RHOQ: variants seen among roughly 807,000 people sequenced by gnomAD.
RHOQ encodes the protein rho-related GTP-binding protein RhoQ.
A neutral mutation model predicts 25.8 loss-of-function variants in RHOQ; 7 were observed. The ratio of observed to expected loss-of-function variants is 0.27; its 90% CI spans 0.15 to 0.51. The LOEUF (loss-of-function observed/expected upper bound fraction) is 0.51, where lower values mean the gene tolerates loss of function less well. Among genes scored for constraint, RHOQ ranks in the 20% least tolerant of loss-of-function variants. The probability of loss-of-function intolerance (pLI) is 0.97; values close to 1 mark genes in which losing one functional copy is unlikely to be tolerated. For synonymous variants in RHOQ, 97 were observed against 98.6 expected (o/e 0.98, Z 0.10); for missense variants, 165 against 260.6 (o/e 0.63, Z 2.53).
At chr2:46,575,945 T>A (rs1312773228) in intron 2 of RHOQ, 142 bp from the exon 3 acceptor site, 3 of 534,792 alleles carry the variant, frequency 5.6e-6, no homozygotes, top group Non-Finnish European at 9.2e-6. Flanking sequence ...AAAACAGAGT[T>A]ATCTGATTTT....
Position 46,581,567 on chromosome 2 carries a change from C to T in RHOQ, c.*484C>T. On this transcript the variant is annotated 3_prime_UTR_variant, in exon 5 of 5. Transcript: ENST00000238738. ...CCAGCCACGTAGCCAAAGGTCGCTC[C>T]AAGCGTACAGGAGATGGGCCATACC... 6.2e-7 allele frequency: 1 copy of T among 1,611,394 alleles called. No homozygotes were observed. The highest frequency in any genetic ancestry group is 8.5e-7 in the Non-Finnish European group (1 of 1,179,480).
At chr2:46,571,604 C>A (rs1668917391) in intron 2 of RHOQ, among the ~76,000 whole-genome samples, 1 of 152,176 alleles carries the variant, frequency 6.6e-6, no homozygotes, top group South Asian at 2.1e-4. Context: ...TTTCTATATT[C>A]ACTTGCTCCA....
rs529059735 is a variant in RHOQ at position 46,555,329 on chromosome 2, C to G, written c.201+11517C>G. Among the ~76,000 whole-genome samples, 1 of 152,334 alleles carries G rather than the reference C, an allele frequency of 6.6e-6. No individual in the cohort carries two copies. The highest frequency in any genetic ancestry group is 2.1e-4 in the South Asian group (1 of 4,822). Reference sequence around the variant, plus strand: ...CTTTGCTCCCCATGCAGATTGTAAACTCTTCCCCTTGCCGTCCCTGCAGGA... The same window carrying G: ...CTTTGCTCCCCATGCAGATTGTAAAGTCTTCCCCTTGCCGTCCCTGCAGGA... On this transcript the variant is annotated intron_variant, in intron 2 of 4. Transcript: ENST00000238738. This position sits in a 1 kb window ranked among gnomAD's most constrained non-coding sequence, Gnocchi z 4.3.
intron 4 of RHOQ, among the ~76,000 whole-genome samples, chr2:46,579,781 G>T (rs948126665): frequency 6.6e-6 from 1 of 151,250 alleles, no homozygotes; most frequent in Non-Finnish European, 1.5e-5. Context: ...GAAGGCAGAG[G>T]TTGTGATGAG....
intron 2 of RHOQ, among the ~76,000 whole-genome samples, chr2:46,560,014 G>A (rs560195657): frequency 8.7e-4 from 133 of 152,280 alleles, no homozygotes; most frequent in African/African-American, 3.2e-3. Context: ...CTTTCACCAG[G>A]ATTGGGGAGC....
At position 46,573,419 on chromosome 2, in the gene RHOQ, C is replaced by G. The variant is rs750640043; in HGVS notation, c.202-2668C>G. Among the ~76,000 whole-genome samples, 139 of 152,310 alleles carry G rather than the reference C, an allele frequency of 9.1e-4. 2 individuals are homozygous for G. Among genetic ancestry groups the G allele is most frequent in the Middle Eastern group, 3.4e-3 (1 of 294 alleles). Reference sequence around the variant, plus strand: ...CAGAAGGAATTCATTTTAGATTGTTCAGACTTAAGAAGTAACATTTCTTTC... The same window carrying G: ...CAGAAGGAATTCATTTTAGATTGTTGAGACTTAAGAAGTAACATTTCTTTC... On this transcript the variant is annotated intron_variant, in intron 2 of 4. Coordinates refer to ENST00000238738, the MANE Select transcript of RHOQ (RefSeq NM_012249.4).
chr2:46,574,827 G>A (rs1277357632), intron 2 of RHOQ, among the ~76,000 whole-genome samples: 2 of 152,156 alleles, frequency 1.3e-5, no homozygotes, highest in African/African-American at 2.4e-5. Flanking sequence ...TGTTCCATGA[G>A]GGAAATACTA....
At chr2:46,565,254 CCAGGGTCCCCAGGGG>C in intron 2 of RHOQ, among the ~76,000 whole-genome samples, 1 of 152,256 alleles carries the variant, frequency 6.6e-6, no homozygotes, top group Non-Finnish European at 1.5e-5. Context: ...AAGTATGGGG[CCAGGGTCCCCAGGGG>C]CATGTGTCTG....
At chr2:46,553,147 A>T (rs1409983486) in intron 2 of RHOQ, among the ~76,000 whole-genome samples, 3 of 152,070 alleles carry the variant, frequency 2.0e-5, no homozygotes, top group Non-Finnish European at 4.4e-5. Context: ...CCTTCAGGTG[A>T]TTGTGACGCA....
At chr2:46,571,335 C>T (rs545050632) in intron 2 of RHOQ, among the ~76,000 whole-genome samples, 23 of 152,360 alleles carry the variant, frequency 1.5e-4, no homozygotes, top group African/African-American at 5.5e-4. Flanking sequence ...CCACACCAGC[C>T]TGCAGTTTCC....
Position 46,582,339 on chromosome 2 carries a change from T to C in RHOQ, c.*1256T>C, listed in dbSNP as rs531120813. 2 of 152,108 alleles carry C rather than the reference T, an allele frequency of 1.3e-5. No homozygotes were observed. The highest frequency in any genetic ancestry group is 2.9e-5 in the Non-Finnish European group (2 of 68,024). The allele number at this position is 152,108 out of a possible 1,614,324, so 9.4% of individuals were successfully genotyped here. ...TTTCATGTTCTTCTGTGAAGCTTAT[T>C]TGGTACACTGGAGCCATTTCTAATC... On this transcript the variant is annotated 3_prime_UTR_variant, in exon 5 of 5. Coordinates refer to ENST00000238738, the MANE Select transcript of RHOQ (RefSeq NM_012249.4).
chr2:46,554,846 G>A (rs1395325144), intron 2 of RHOQ, among the ~76,000 whole-genome samples: 3 of 149,320 alleles, frequency 2.0e-5, no homozygotes, highest in Non-Finnish European at 4.4e-5. Context: ...CTTTCAAATG[G>A]CATAATGGTT....
chr2:46,562,151 A>G (rs1481420421), intron 2 of RHOQ, among the ~76,000 whole-genome samples: 1 of 152,016 alleles, frequency 6.6e-6, no homozygotes, highest in African/African-American at 2.4e-5. Flanking sequence ...TTCCTATGCA[A>G]TTTCACCAGA....
chr2:46,582,686 T>C lies in RHOQ; in HGVS notation c.*1603T>C, dbSNP rs1365491117. 1 of 152,662 alleles carries C rather than the reference T, an allele frequency of 6.6e-6. No individual in the cohort carries two copies. The highest frequency in any genetic ancestry group is 1.5e-5 in the Non-Finnish European group (1 of 68,020). The allele number at this position is 152,662 out of a possible 1,614,324, so 9.5% of individuals were successfully genotyped here. A position where few individuals can be genotyped will look rare whatever the true frequency, so the allele number is the denominator to read the frequency against. On this transcript the variant is annotated 3_prime_UTR_variant, in exon 5 of 5. Transcript: ENST00000238738. ...CACATGACTTGAGCTTATAGCTATG[T>C]CTACTGCACAGATTGGGTAATGGAA...
At position 46,569,965 on chromosome 2, in the gene RHOQ, A is replaced by G. The variant is rs1014210518; in HGVS notation, c.202-6122A>G. The stretch of plus-strand genomic sequence containing the variant: ...TGGGAGGTAGTAGGAAGTGGTAGGC[A>G]AATTCAGTAAACTCATCACTGGTGA... On this transcript the variant is annotated intron_variant, in intron 2 of 4. Transcript: ENST00000238738. This position sits in a 1 kb window ranked among gnomAD's most constrained non-coding sequence, Gnocchi z 4.1. Among the ~76,000 whole-genome samples, 3 of 152,218 alleles carry G rather than the reference A, an allele frequency of 2.0e-5. No individual in the cohort carries two copies. The highest frequency in any genetic ancestry group is 7.2e-5 in the African/African-American group (3 of 41,456).
intron 1 of RHOQ, 128 bp from the exon 2 acceptor site, chr2:46,543,626 C>T (rs1667923773): frequency 9.2e-6 from 7 of 758,862 alleles, no homozygotes; most frequent in South Asian, 8.2e-5. Context: ...AAGGGGGTGA[C>T]ATCTCGCGGG....
At position 46,581,048 on chromosome 2, in the gene RHOQ, G is replaced by C; in HGVS notation, c.583G>C (p.Gly195Arg). The C allele has an allele frequency of 1.3e-6, 2 of 1,574,204 alleles. No homozygotes were observed. The highest frequency in any genetic ancestry group is 4.5e-5 in the East Asian group (2 of 44,176). Residue 195 changes from glycine to arginine, a missense_variant, in exon 5 of 5, where the codon GGA becomes CGA. Physicochemically the swap from Gly to Arg is moderately radical, Grantham distance 125. Transcript: ENST00000238738. ...GAAACACACTGTAAAAAAAAGAATAGGATCAAGATGTATAAACTGTTGTTT... is the reference window on the plus strand; with the variant it reads ...GAAACACACTGTAAAAAAAAGAATACGATCAAGATGTATAAACTGTTGTTT... ...PKKHTVKKRI[G>R]SRCINCCLIT
At chr2:46,551,797 C>T (rs1476385774) in intron 2 of RHOQ, among the ~76,000 whole-genome samples, 1 of 152,188 alleles carries the variant, frequency 6.6e-6, no homozygotes, top group African/African-American at 2.4e-5. Flanking sequence ...GTGGCAGGCT[C>T]ATCATCAAAT....
In RHOQ at chr2:46,569,527, T is replaced by G. The variant is rs1001488494; in HGVS notation, c.202-6560T>G. The G allele has an allele frequency of 2.6e-5, 4 of 152,218 alleles. No individual in the cohort carries two copies. Among genetic ancestry groups the G allele is most frequent in the Non-Finnish European group, 5.9e-5 (4 of 68,042 alleles). 9.4% of individuals were successfully genotyped at this position (152,218 alleles called of 1,614,324 possible). On this transcript the variant is annotated intron_variant, in intron 2 of 4. Transcript: ENST00000238738. This position sits in a 1 kb window ranked among gnomAD's most constrained non-coding sequence, Gnocchi z 4.1. ...GCCAGTCCTCTAGCTGGTTTCTTTA[T>G]GCTCCACCAGATGTAAATTTTCTCT... is the stretch of plus-strand genomic sequence containing the variant.
Sources: allele counts gnomAD v4.1 joint callset (sites outside exome capture counted in the v4.1 genomes callset), GRCh38; gene constraint gnomAD v4.1.1; non-coding constraint Gnocchi (gnomAD v3.1); transcripts MANE v1.5; gene names NCBI Gene and HGNC (gene_info 2026-07-23, HGNC 2026-07-21).